The following CECR2 variants were observed in gnomAD, a reference collection of about 807,000 sequenced individuals.
CECR2 encodes the protein chromatin remodeling regulator CECR2.
Under a neutral mutation model 154.5 loss-of-function variants are expected in CECR2, and 30 were observed. That is an observed-to-expected ratio of 0.19 (90% confidence interval 0.15 to 0.26). The LOEUF is 0.26. CECR2 is among the 10% of genes least tolerant of loss of function. The pLI is 1.00. For synonymous variants in CECR2, 725 were observed against 683.7 expected (o/e 1.06, Z -0.94); for missense variants, 1,743 against 1,829.3 (o/e 0.95, Z 0.86).
chr22:17,433,215 C>A (rs1473221855), intron 1 of CECR2, among the ~76,000 whole-genome samples: 6 of 152,114 alleles, frequency 3.9e-5, no homozygotes, highest in Admixed American at 3.9e-4. Flanking sequence ...TTTAAAAAAT[C>A]TTTAGAAACA....
chr22:17,367,009 G>A (rs1319162995), upstream of CECR2, among the ~76,000 whole-genome samples: 1 of 152,184 alleles, frequency 6.6e-6, no homozygotes, highest in Non-Finnish European at 1.5e-5. Context: ...ACAGAACAGA[G>A]AAGACCCTCA....
In CECR2 at chr22:17,369,488, T is replaced by C. The variant is rs1461983801; in HGVS notation, c.-296T>C. On this transcript the variant is annotated 5_prime_UTR_variant, in exon 1 of 19. Transcript: ENST00000262608. ...TGTTTCTCCGGCGGGGACTCGATTA[T>C]ATTGTAGGGGACTGGGGGCGGCCGC... 3 of 148,564 alleles carry C rather than the reference T, an allele frequency of 2.0e-5. No homozygotes were observed. The highest frequency in any genetic ancestry group is 1.3e-4 in the Admixed American group (2 of 15,034). The allele number at this position is 148,564 out of a possible 1,614,324, so 9.2% of individuals were successfully genotyped here.
chr22:17,520,440 CT>C (rs771419937), intron 8 of CECR2, among the ~76,000 whole-genome samples: 35 of 151,876 alleles, frequency 2.3e-4, no homozygotes, highest in Non-Finnish European at 4.3e-4. Flanking sequence ...TATTATTATA[CT>C]TTAAGTTCTA....
rs2056415001 is a variant in CECR2, at chr22:17,534,924, G to T, written c.1109-2179G>T. Among the ~76,000 whole-genome samples, 7 of 150,452 alleles carry T rather than the reference G, an allele frequency of 4.7e-5. 1 individual carries two copies. The South Asian group carries it at 1.3e-3, about 28-fold the overall frequency. Reference sequence around the variant, plus strand: ...CCAGCACTTTGGGAGGTCGAGGCAGGTGGATCACAAGGTCAGGAGATCAAG... The same window carrying T: ...CCAGCACTTTGGGAGGTCGAGGCAGTTGGATCACAAGGTCAGGAGATCAAG... On this transcript the variant is annotated intron_variant, in intron 9 of 18. Coordinates refer to ENST00000262608, the MANE Select transcript of CECR2 (RefSeq NM_001290047.2).
At position 17,540,690 on chromosome 22, in the gene CECR2, A is replaced by G; in HGVS notation, c.1774A>G (p.Ser592Gly). ...GCCCTCTTCTGGGGACGATCAGAGC[A>G]GCAGCTCCACACAGCCCCCGCGGGA... is the stretch of plus-strand genomic sequence containing the variant. ...RAPSSGDDQS[S>G]SSTQPPREVG... The change falls in exon 14 of 19, where the codon AGC becomes GGC. Residue 592 changes from serine (S) to glycine (G), a missense_variant. Coordinates refer to ENST00000262608, the MANE Select transcript of CECR2 (RefSeq NM_001290047.2). 6.2e-7 allele frequency: 1 copy of G among 1,613,970 alleles called. No individual in the cohort carries two copies. The highest frequency in any genetic ancestry group is 8.5e-7 in the Non-Finnish European group (1 of 1,179,870).
intron 8 of CECR2, among the ~76,000 whole-genome samples, chr22:17,523,275 T>G (rs1291548180): frequency 6.6e-6 from 1 of 151,570 alleles, no homozygotes; most frequent in East Asian, 1.9e-4. Flanking sequence ...CTCCAGTTAC[T>G]TGGGAGGCTG....
chr22:17,530,729 T>G (rs1398140385), intron 9 of CECR2, among the ~76,000 whole-genome samples: 2 of 150,328 alleles, frequency 1.3e-5, no homozygotes. Flanking sequence ...AACAGCCAAG[T>G]GTCCACCAGT....
At chr22:17,524,726 T>C (rs2056228615) in intron 9 of CECR2, among the ~76,000 whole-genome samples, 1 of 81,722 alleles carries the variant, frequency 1.2e-5, no homozygotes, top group Non-Finnish European at 2.2e-5. Flanking sequence ...TGATACATAG[T>C]CTCACTCTGT....
chr22:17,510,184 C>T (rs1182271990), intron 7 of CECR2, among the ~76,000 whole-genome samples: 1 of 152,146 alleles, frequency 6.6e-6, no homozygotes, highest in African/African-American at 2.4e-5. Flanking sequence ...TCATTCGTAG[C>T]TTTTATCTGA....
intron 8 of CECR2, among the ~76,000 whole-genome samples, chr22:17,515,197 A>G (rs2056029421): frequency 6.6e-6 from 1 of 152,164 alleles, no homozygotes; most frequent in South Asian, 2.1e-4. Flanking sequence ...AGGCCCAGAG[A>G]AATGTGAGGC....
chr22:17,494,650 G>T (rs2055589916), intron 2 of CECR2, among the ~76,000 whole-genome samples: 1 of 152,184 alleles, frequency 6.6e-6, no homozygotes, highest in Non-Finnish European at 1.5e-5. Context: ...AGTAAGAGTA[G>T]GGGAAAGATG....
intron 2 of CECR2, among the ~76,000 whole-genome samples, chr22:17,486,878 A>G (rs1320894044): frequency 6.6e-6 from 1 of 152,268 alleles, no homozygotes; most frequent in East Asian, 1.9e-4. Flanking sequence ...GGGTGGTTAC[A>G]ACACAAATCG....
intron 1 of CECR2, among the ~76,000 whole-genome samples, chr22:17,469,243 C>T (rs2055081561): frequency 6.6e-6 from 1 of 151,740 alleles, no homozygotes; most frequent in Non-Finnish European, 1.5e-5. Flanking sequence ...GTGCCAGGCT[C>T]TGTGTTATGT....
chr22:17,549,953 G>T (rs1227408234), intron 17 of CECR2, among the ~76,000 whole-genome samples: 1 of 150,980 alleles, frequency 6.6e-6, no homozygotes, highest in Non-Finnish European at 1.5e-5. Flanking sequence ...CAGAAAAATG[G>T]CCTTAGAGAT....
intron 14 of CECR2, 55 bp from the exon 15 acceptor site, chr22:17,541,784 C>T (rs980329056): frequency 6.4e-7 from 1 of 1,555,300 alleles, no homozygotes; most frequent in African/African-American, 1.4e-5. Flanking sequence ...TTGTTGTCAA[C>T]CTAAAGTCTG....
chr22:17,505,273 C>T (rs1472996495), intron 7 of CECR2, among the ~76,000 whole-genome samples: 2 of 152,058 alleles, frequency 1.3e-5, no homozygotes, highest in African/African-American at 2.4e-5. Context: ...TTTTCACAGC[C>T]TGGAACCAAC....
chr22:17,544,809 CAAAAAAA>C (rs67994839), intron 16 of CECR2, among the ~76,000 whole-genome samples: 2 of 45,620 alleles, frequency 4.4e-5, no homozygotes, highest in African/African-American at 8.7e-5. Flanking sequence ...GACTCTGTCT[CAAAAAAA>C]AAAAAAAAAA....
chr22:17,388,938 G>A (rs2063296967), intron 1 of CECR2, among the ~76,000 whole-genome samples: 1 of 151,686 alleles, frequency 6.6e-6, no homozygotes, highest in Non-Finnish European at 1.5e-5. Context: ...TCAGCCTCTC[G>A]AGTAGCTGGA....
rs577432468 is a variant in CECR2, at chr22:17,491,487, G to GT, written c.222-5914dup. ...GCTGCCTTCTGCTTTTTGTTCCTTT[G>GT]TTGGTCCTTTAATGCTTTCTTTTAG... is the stretch of plus-strand genomic sequence containing the variant. On this transcript the variant is annotated intron_variant, in intron 2 of 18. Transcript: ENST00000262608. Among the ~76,000 whole-genome samples, 140 of 146,954 alleles carry GT rather than the reference G, an allele frequency of 9.5e-4. 1 individual carries two copies. The highest frequency in any genetic ancestry group is 3.4e-3 in the African/African-American group (137 of 39,866).
Sources: allele counts gnomAD v4.1 joint callset (sites outside exome capture counted in the v4.1 genomes callset), GRCh38; gene constraint gnomAD v4.1.1; transcripts MANE v1.5; gene names NCBI Gene and HGNC (gene_info 2026-07-23, HGNC 2026-07-21).